CACNA2D3: variants seen among roughly 807,000 people sequenced by gnomAD.
The protein encoded by CACNA2D3 is calcium voltage-gated channel auxiliary subunit alpha2delta 3, also known as voltage-dependent calcium channel subunit alpha-2/delta-3.
CACNA2D3 carries 60 observed loss-of-function variants against 160.6 expected under a neutral mutation model. The ratio of observed to expected loss-of-function variants is 0.37; its 90% CI spans 0.30 to 0.46. The LOEUF (loss-of-function observed/expected upper bound fraction) is 0.46, where lower values mean the gene tolerates loss of function less well. Among genes scored for constraint, CACNA2D3 ranks in the 20% least tolerant of loss-of-function variants. The pLI, the probability that CACNA2D3 is intolerant of heterozygous loss-of-function variation, is 1.00. For synonymous variants in CACNA2D3, 558 were observed against 492.9 expected (o/e 1.13, Z -1.75); for missense variants, 1,205 against 1,365.0 (o/e 0.88, Z 1.85).
At chr3:54,351,875 G>C (rs746771970) in intron 3 of CACNA2D3, among the ~76,000 whole-genome samples, 1 of 152,116 alleles carries the variant, frequency 6.6e-6, no homozygotes, top group African/African-American at 2.4e-5. Flanking sequence ...CAAAGATCTC[G>C]CAGAGTGGTC....
intron 2 of CACNA2D3, among the ~76,000 whole-genome samples, chr3:54,300,738 G>T (rs747148705): frequency 6.6e-6 from 1 of 152,162 alleles, no homozygotes; most frequent in Non-Finnish European, 1.5e-5. Flanking sequence ...AACCATGCTG[G>T]GTGTGGTGGC....
chr3:54,532,290 A>G (rs1701817884), intron 5 of CACNA2D3, among the ~76,000 whole-genome samples: 1 of 152,198 alleles, frequency 6.6e-6, no homozygotes, highest in African/African-American at 2.4e-5. Flanking sequence ...TGCTGCATTG[A>G]ATCAAGGTTT....
At chr3:54,802,893 G>C (rs969691019) in intron 13 of CACNA2D3, among the ~76,000 whole-genome samples, 8 of 152,184 alleles carry the variant, frequency 5.3e-5, no homozygotes, top group African/African-American at 1.9e-4. Context: ...AGCAGCATTC[G>C]CGATTCACGA....
intron 4 of CACNA2D3, among the ~76,000 whole-genome samples, chr3:54,464,754 C>T (rs936664423): frequency 1.6e-4 from 25 of 152,242 alleles, no homozygotes; most frequent in Non-Finnish European, 3.4e-4. Flanking sequence ...CGCCGTGCTT[C>T]GGCTAGCGCA....
chr3:54,902,038 A>G (rs1253725027), intron 27 of CACNA2D3, among the ~76,000 whole-genome samples: 1 of 152,244 alleles, frequency 6.6e-6, no homozygotes, highest in Admixed American at 6.5e-5. Context: ...TTGTTTTGGC[A>G]GATGAAGATG....
At chr3:54,848,500 C>T (rs906137969) in intron 17 of CACNA2D3, among the ~76,000 whole-genome samples, 2 of 152,136 alleles carry the variant, frequency 1.3e-5, no homozygotes, top group African/African-American at 4.8e-5. Flanking sequence ...ATGACAAGAA[C>T]ATAAGGAATG....
intron 11 of CACNA2D3, among the ~76,000 whole-genome samples, chr3:54,747,510 T>C (rs1365960096): frequency 1.3e-5 from 2 of 152,182 alleles, no homozygotes; most frequent in Admixed American, 1.3e-4. Flanking sequence ...CTATGCTCTA[T>C]CCTGCAGCCA....
chr3:54,236,810 TG>T (rs1477791396), intron 2 of CACNA2D3, among the ~76,000 whole-genome samples: 2 of 152,108 alleles, frequency 1.3e-5, no homozygotes, highest in African/African-American at 2.4e-5. Flanking sequence ...AAGAGATTCT[TG>T]TACAAGTAGT....
intron 13 of CACNA2D3, among the ~76,000 whole-genome samples, chr3:54,766,751 T>G (rs1702232692): frequency 6.6e-6 from 1 of 152,054 alleles, no homozygotes; most frequent in African/African-American, 2.4e-5. Flanking sequence ...GAGTCAATAT[T>G]AAAAACAAGA....
intron 27 of CACNA2D3, among the ~76,000 whole-genome samples, chr3:54,903,457 T>C (rs1039115248): frequency 1.3e-5 from 2 of 152,242 alleles, no homozygotes; most frequent in East Asian, 1.9e-4. Flanking sequence ...CAGTCTATCA[T>C]TGATGGGCAT....
intron 3 of CACNA2D3, among the ~76,000 whole-genome samples, chr3:54,358,908 C>G (rs2107539592): frequency 6.6e-6 from 1 of 151,958 alleles, no homozygotes; most frequent in Admixed American, 6.5e-5. Context: ...AATTTTTTTT[C>G]CTCCCACCTT....
intron 11 of CACNA2D3, among the ~76,000 whole-genome samples, chr3:54,699,427 G>C (rs1700724733): frequency 6.6e-6 from 1 of 152,060 alleles, no homozygotes; most frequent in Non-Finnish European, 1.5e-5. Context: ...CCATCCTTTG[G>C]GAAACAGCCT....
chr3:54,933,754 C>G (rs112105803), intron 27 of CACNA2D3, among the ~76,000 whole-genome samples: 2,512 of 134,458 alleles, frequency 0.019, 70 homozygotes, highest in African/African-American at 0.065. Flanking sequence ...AAAGATATTA[C>G]TATTACTTTT....
At position 54,562,885 on chromosome 3, in the gene CACNA2D3, A is replaced by G. The variant is rs760395749; in HGVS notation, c.630A>G (p.Ile210Met). 5 of 1,613,714 alleles carry G rather than the reference A, an allele frequency of 3.1e-6. No individual in the cohort carries two copies. The highest frequency in any genetic ancestry group is 3.4e-6 in the Non-Finnish European group (4 of 1,179,708). ...ACTTTGACCGTGACCCATCTCTCAT[A>G]TGGCAGTACTTTGGAAGTGCAAAGG... ...VDNFDRDPSL[I>M]WQYFGSAKGF... The change falls in exon 6 of 38, where the codon ATA (isoleucine) becomes ATG (methionine). Residue 210 changes from isoleucine to methionine, a missense_variant. Coordinates refer to ENST00000474759, the MANE Select transcript of CACNA2D3 (RefSeq NM_018398.3).
intron 2 of CACNA2D3, among the ~76,000 whole-genome samples, chr3:54,271,482 A>G (rs752742205): frequency 6.6e-6 from 1 of 152,160 alleles, no homozygotes; most frequent in Non-Finnish European, 1.5e-5. Context: ...GAAATGATAA[A>G]TTATCATCTT....
chr3:54,894,352 GCAGGCT>G (rs1700137134), intron 25 of CACNA2D3, among the ~76,000 whole-genome samples: 1 of 152,172 alleles, frequency 6.6e-6, no homozygotes, highest in Non-Finnish European at 1.5e-5. Context: ...ATCAAGTGCT[GCAGGCT>G]CCTGCTGGCT....
At chr3:54,324,967 T>TAA (rs909699370) in intron 3 of CACNA2D3, among the ~76,000 whole-genome samples, 53 of 152,254 alleles carry the variant, frequency 3.5e-4, no homozygotes, top group African/African-American at 1.2e-3. Flanking sequence ...TCCCCTTTCT[T>TAA]CTGAGTTGCT....
chr3:54,576,381 C>T (rs1289425702), intron 8 of CACNA2D3, among the ~76,000 whole-genome samples: 2 of 152,178 alleles, frequency 1.3e-5, no homozygotes, highest in Non-Finnish European at 2.9e-5. Flanking sequence ...AGCCCATTTG[C>T]ATTGCTTTTA....
At chr3:54,914,982 T>C (rs934602391) in intron 27 of CACNA2D3, among the ~76,000 whole-genome samples, 1 of 147,936 alleles carries the variant, frequency 6.8e-6, no homozygotes, top group Non-Finnish European at 1.5e-5. Flanking sequence ...CTTCCTTTGA[T>C]ATTTAGGATC....
Sources: allele counts gnomAD v4.1 joint callset (sites outside exome capture counted in the v4.1 genomes callset), GRCh38; gene constraint gnomAD v4.1.1; transcripts MANE v1.5; gene names NCBI Gene and HGNC (gene_info 2026-07-23, HGNC 2026-07-21).